CPQ: variants seen among roughly 807,000 people sequenced by gnomAD.
CPQ encodes the protein carboxypeptidase Q.
A neutral mutation model predicts 45.7 loss-of-function variants in CPQ; 37 were observed. The ratio of observed to expected loss-of-function variants is 0.81; its 90% CI spans 0.62 to 1.07. The LOEUF is 1.07. CPQ is among the 50% of genes least tolerant of loss of function. The pLI is 0.00. For missense variants in CPQ, 537 were observed against 572.9 expected (o/e 0.94, Z 0.64); for synonymous variants, 186 against 205.8 (o/e 0.90, Z 0.82).
chr8:96,912,050 C>T (rs1812671690), intron 4 of CPQ, among the ~76,000 whole-genome samples: 1 of 152,178 alleles, frequency 6.6e-6, no homozygotes, highest in Non-Finnish European at 1.5e-5. Flanking sequence ...GGATGAGCTA[C>T]CGCATGCAAA....
chr8:96,794,791 G>T (rs1810904102), intron 2 of CPQ, among the ~76,000 whole-genome samples: 1 of 152,090 alleles, frequency 6.6e-6, no homozygotes. Flanking sequence ...CAAGTTCAAA[G>T]TTCCACAAAT....
At chr8:96,720,120 G>GA (rs1357846504) in intron 1 of CPQ, among the ~76,000 whole-genome samples, 4 of 152,092 alleles carry the variant, frequency 2.6e-5, no homozygotes, top group Middle Eastern at 3.4e-3. Context: ...TGCCATCTTG[G>GA]AAAAAAATGT....
intron 7 of CPQ, among the ~76,000 whole-genome samples, chr8:97,116,071 GAA>G (rs370210324): frequency 2.0e-5 from 3 of 152,016 alleles, no homozygotes; most frequent in African/African-American, 7.2e-5. Flanking sequence ...CAGACAGGAA[GAA>G]AAGAGACAGA....
intron 4 of CPQ, among the ~76,000 whole-genome samples, chr8:96,908,208 A>G (rs1812605610): frequency 6.6e-6 from 1 of 151,934 alleles, no homozygotes; most frequent in Admixed American, 6.6e-5. Flanking sequence ...GAGAAGAGAG[A>G]GACAGAAAGA....
At chr8:97,029,520 A>G in intron 6 of CPQ, 26 bp downstream of exon 6, 1 of 1,568,336 alleles carries the variant, frequency 6.4e-7, no homozygotes, top group Non-Finnish European at 8.7e-7. Context: ...TGGATTGCTA[A>G]GCATTTGTAC....
intron 1 of CPQ, among the ~76,000 whole-genome samples, chr8:96,773,036 C>T (rs546426095): frequency 1.3e-5 from 2 of 152,250 alleles, no homozygotes; most frequent in South Asian, 4.1e-4. Flanking sequence ...TAAAGAGGAA[C>T]AGCCAGGACC....
At chr8:96,842,310 A>G (rs6468521) in intron 3 of CPQ, among the ~76,000 whole-genome samples, 86,051 of 152,040 alleles carry the variant, frequency 0.57, 25,894 homozygotes, top group East Asian at 0.89. Flanking sequence ...ATCAAGCTTC[A>G]TTTAAATTGT....
intron 7 of CPQ, among the ~76,000 whole-genome samples, chr8:97,098,182 CCTGGATCATGG>C (rs1811241547): frequency 6.6e-6 from 1 of 152,134 alleles, no homozygotes; most frequent in Non-Finnish European, 1.5e-5. Flanking sequence ...CTCTCTTTTT[CCTGGATCATGG>C]CTTTCTGCAG....
chr8:96,744,482 C>G (rs189611058), intron 1 of CPQ, among the ~76,000 whole-genome samples: 3 of 152,188 alleles, frequency 2.0e-5, no homozygotes, highest in Admixed American at 1.3e-4. Flanking sequence ...TGTTCCTATT[C>G]GGCCATCTTG....
chr8:96,647,223 A>C (rs1049773628), intron 1 of CPQ, among the ~76,000 whole-genome samples: 1 of 152,226 alleles, frequency 6.6e-6, no homozygotes, highest in African/African-American at 2.4e-5. Flanking sequence ...TGTGTTAAGT[A>C]AAATGAAATT....
chr8:96,799,875 A>G (rs962002087), intron 2 of CPQ, among the ~76,000 whole-genome samples: 2 of 152,108 alleles, frequency 1.3e-5, no homozygotes, highest in African/African-American at 2.4e-5. Context: ...ACCTTGCCTC[A>G]TGGTAGATCT....
Position 96,863,743 on chromosome 8 carries a change from G to C in CPQ, c.642-16055G>C, listed in dbSNP as rs112547880. On this transcript the variant is annotated intron_variant, in intron 3 of 7. Coordinates refer to ENST00000220763, the MANE Select transcript of CPQ (RefSeq NM_016134.4). ...TAATGCTTGGAAACAGCTTTGCTAG[G>C]CTCTTCTCAGGTGAGTAGCTGCACG... Among the ~76,000 whole-genome samples the C allele has an allele frequency of 7.9e-3, 1,201 of 152,124 alleles. 12 individuals are homozygous for C. The highest frequency in any genetic ancestry group is 0.027 in the African/African-American group (1,122 of 41,524).
At chr8:96,871,364 C>A (rs1188002120) in intron 3 of CPQ, among the ~76,000 whole-genome samples, 2 of 151,884 alleles carry the variant, frequency 1.3e-5, no homozygotes, top group Non-Finnish European at 2.9e-5. Context: ...GATGGGCTGG[C>A]ACTACAGAAA....
chr8:96,791,905 T>C (rs1198081528), intron 2 of CPQ, among the ~76,000 whole-genome samples: 3 of 152,202 alleles, frequency 2.0e-5, no homozygotes, highest in Non-Finnish European at 2.9e-5. Context: ...TAAGGTCTCC[T>C]CTAGATTGGA....
At chr8:97,043,045 A>G (rs200937026) in intron 6 of CPQ, among the ~76,000 whole-genome samples, 24 of 150,964 alleles carry the variant, frequency 1.6e-4, no homozygotes, top group Non-Finnish European at 3.4e-4. Context: ...TATCCTTGTT[A>G]ACTTTCTGTC....
chr8:96,954,475 CT>C (rs1016898415), intron 4 of CPQ, among the ~76,000 whole-genome samples: 1 of 151,902 alleles, frequency 6.6e-6, no homozygotes, highest in Non-Finnish European at 1.5e-5. Context: ...AGTGAACAGT[CT>C]TTTTTTAATG....
At chr8:96,846,784 A>G (rs935827615) in intron 3 of CPQ, among the ~76,000 whole-genome samples, 4 of 152,104 alleles carry the variant, frequency 2.6e-5, no homozygotes, top group African/African-American at 9.7e-5. Flanking sequence ...GATTTTCCCA[A>G]TTGTTTCCCC....
chr8:96,677,566 A>G (rs1377355160), intron 1 of CPQ, among the ~76,000 whole-genome samples: 4 of 151,906 alleles, frequency 2.6e-5, no homozygotes, highest in Non-Finnish European at 4.4e-5. Context: ...GATTCTGTAT[A>G]TTAGTCCTTT....
At chr8:96,960,263 CTAGT>C (rs1238857732) in intron 4 of CPQ, among the ~76,000 whole-genome samples, 23 of 152,184 alleles carry the variant, frequency 1.5e-4, no homozygotes, top group South Asian at 6.2e-4. Context: ...TATTTGATCT[CTAGT>C]TAGTTTATAA....
Sources: gnomAD v4.1 joint callset for allele counts (sites outside exome capture counted in the v4.1 genomes callset) on GRCh38, gnomAD v4.1.1 for gene constraint, MANE v1.5 for transcripts, NCBI Gene and HGNC (gene_info 2026-07-23, HGNC 2026-07-21) for gene names.